RGPD3: variants seen among roughly 807,000 people sequenced by gnomAD.
RGPD3 encodes ranBP2-like and GRIP domain-containing protein 3.
A neutral mutation model predicts 154.5 loss-of-function variants in RGPD3; 62 were observed. That is an observed-to-expected ratio of 0.40 (90% confidence interval 0.33 to 0.50). RGPD3 has a LOEUF of 0.50. RGPD3 is among the 20% of genes least tolerant of loss of function. The pLI is 0.59. For synonymous variants in RGPD3, 308 were observed against 607.0 expected (o/e 0.51, Z 7.24); for missense variants, 919 against 1,716.8 (o/e 0.54, Z 8.21).
chr2:106,409,969 G>A (rs1676622513), intron 22 of RGPD3, among the ~76,000 whole-genome samples: 1 of 148,436 alleles, frequency 6.7e-6, no homozygotes, highest in Admixed American at 6.8e-5. Flanking sequence ...TCTGCCTCCT[G>A]GGTTCAAGCA....
chr2:106,448,077 A>G (rs965083029), intron 6 of RGPD3, among the ~76,000 whole-genome samples: 2 of 150,558 alleles, frequency 1.3e-5, no homozygotes, highest in African/African-American at 4.9e-5. Context: ...TCTTTTTACT[A>G]TATAGATCAT....
intron 20 of RGPD3, among the ~76,000 whole-genome samples, chr2:106,422,685 A>G (rs1226456414): frequency 2.1e-5 from 3 of 145,358 alleles, no homozygotes; most frequent in Non-Finnish European, 3.0e-5. Flanking sequence ...CCCAGCCTCA[A>G]TATCATGTTT....
intron 17 of RGPD3, among the ~76,000 whole-genome samples, 156 bp downstream of exon 17, chr2:106,432,779 A>T (rs1363708701): frequency 5.3e-4 from 5 of 9,412 alleles, no homozygotes; most frequent in Non-Finnish European, 1.2e-3. Context: ...ACCCTGCCTT[A>T]AAAAAAAAAA....
chr2:106,466,172 G>A (rs991277256), intron 1 of RGPD3, among the ~76,000 whole-genome samples: 2 of 151,690 alleles, frequency 1.3e-5, no homozygotes, highest in African/African-American at 4.9e-5. Context: ...ACAAGCGTCG[G>A]GAACAAGCCG....
Position 106,413,161 on chromosome 2 carries a change from T to C in RGPD3, c.5189A>G (p.Glu1730Gly), listed in dbSNP as rs1230306646. The change falls in exon 22 of 23, where the codon GAG becomes GGG. Residue 1730 changes from glutamate to glycine, a missense_variant. By Grantham distance (98) the Glu-to-Gly change is moderately conservative. Coordinates refer to ENST00000409886, the MANE Select transcript of RGPD3 (RefSeq NM_001144013.2). ...FIFLKPGSER[E>G]RLLPVINTML... Reference sequence around the variant, plus strand: ...CGTATTTATAACAGGAAGAAGTCTCTCTCTTTCACTACCTGGCTTCAAGAA... The same window carrying C: ...CGTATTTATAACAGGAAGAAGTCTCCCTCTTTCACTACCTGGCTTCAAGAA... 1 of 1,611,706 alleles carries C rather than the reference T, an allele frequency of 6.2e-7. No individual in the cohort carries two copies. The highest frequency in any genetic ancestry group is 8.5e-7 in the Non-Finnish European group (1 of 1,179,832).
intron 20 of RGPD3, among the ~76,000 whole-genome samples, chr2:106,421,735 A>G (rs1448665161): frequency 6.6e-6 from 1 of 151,942 alleles, no homozygotes; most frequent in Non-Finnish European, 1.5e-5. Flanking sequence ...ACACTCTTCC[A>G]TACTGTATAC....
rs751430277 is a variant in RGPD3, at chr2:106,424,572, C to T, written c.3395G>A (p.Trp1132Ter). Residue 1132 changes from tryptophan (W) to a stop codon, truncating the protein, a stop_gained, in exon 20 of 23, where the codon TGG (tryptophan) becomes TAG (stop). Transcript: ENST00000409886. LOFTEE classifies it high-confidence loss of function. The part of the protein sequence containing the change: ...PLSGSDRAWM[W>*]SASDFSDGDA... ...ACCATCAGAGAAATCACTGGCTGACCACATCCATGCTCTATCTGATCCAGA... is the reference window on the plus strand; with the variant it reads ...ACCATCAGAGAAATCACTGGCTGACTACATCCATGCTCTATCTGATCCAGA... 2.5e-6 allele frequency: 4 copies of T among 1,610,618 alleles called. No homozygotes were observed. Among genetic ancestry groups the T allele is most frequent in the African/African-American group, 1.3e-5 (1 of 74,698 alleles).
chr2:106,417,736 G>C (rs1039076300), intron 20 of RGPD3, among the ~76,000 whole-genome samples: 5 of 150,628 alleles, frequency 3.3e-5, no homozygotes, highest in African/African-American at 1.2e-4. Context: ...GCCTTACAGA[G>C]GTACACAAAA....
At chr2:106,411,834 A>G (rs1176137635) in intron 22 of RGPD3, among the ~76,000 whole-genome samples, 47 of 151,248 alleles carry the variant, frequency 3.1e-4, no homozygotes, top group African/African-American at 9.4e-4. Context: ...ACAAAAACAC[A>G]ACAACAAAAT....
intron 9 of RGPD3, among the ~76,000 whole-genome samples, chr2:106,438,545 G>A (rs536387097): frequency 7.8e-4 from 117 of 150,698 alleles, no homozygotes; most frequent in South Asian, 4.5e-3. Context: ...ACTTTGGGAG[G>A]CCAAGGCAGG....
intron 1 of RGPD3, among the ~76,000 whole-genome samples, chr2:106,461,390 G>C (rs1173973337): frequency 1.3e-5 from 2 of 152,064 alleles, no homozygotes; most frequent in Non-Finnish European, 2.9e-5. Flanking sequence ...AACTGAGATG[G>C]CTAGTATGTA....
intron 20 of RGPD3, 64 bp downstream of exon 20, chr2:106,422,979 C>G (rs1677041989): frequency 5.0e-6 from 8 of 1,588,158 alleles, no homozygotes; most frequent in Non-Finnish European, 6.8e-6. Flanking sequence ...CACAAAGAGT[C>G]TGCATCAAGC....
chr2:106,429,962 C>T (rs1677318575), intron 17 of RGPD3, among the ~76,000 whole-genome samples, 181 bp from the exon 18 acceptor site: 1 of 152,020 alleles, frequency 6.6e-6, no homozygotes, highest in East Asian at 1.9e-4. Context: ...TGGCTCACCG[C>T]AACCTCCACC....
Position 106,424,822 on chromosome 2 carries a change from C to G in RGPD3, c.3145G>C (p.Glu1049Gln), listed in dbSNP as rs1212554837. ...EPVVQMPEKV[E>Q]LVTGEEGEKV... ...TCACCTTCTTCTCCTGTTACAAGTT[C>G]TACTTTTTCAGGCATTTGAACTACT... The change falls in exon 20 of 23, where the codon GAA becomes CAA. Residue 1049 changes from glutamate (E) to glutamine (Q), a missense_variant. Glu to Gln is a conservative substitution (Grantham distance 29). Transcript: ENST00000409886. 6.2e-7 allele frequency: 1 copy of G among 1,611,708 alleles called. No homozygotes were observed. Among genetic ancestry groups the G allele is most frequent in the South Asian group, 1.1e-5 (1 of 90,964 alleles).
At position 106,424,482 on chromosome 2, in the gene RGPD3, T is replaced by G. The variant is rs752507647; in HGVS notation, c.3485A>C (p.Gln1162Pro). Residue 1162 changes from glutamine (Q) to proline (P), a missense_variant, in exon 20 of 23, where the codon CAG becomes CCG. By Grantham distance (76) the Gln-to-Pro change is moderately conservative. Coordinates refer to ENST00000409886, the MANE Select transcript of RGPD3 (RefSeq NM_001144013.2). ...AAGCCGCTGGCATTCCTCAAATTTCTGCTTGAATTCTTCAGCCAGCTCTGG... is the reference window on the plus strand; with the variant it reads ...AAGCCGCTGGCATTCCTCAAATTTCGGCTTGAATTCTTCAGCCAGCTCTGG... ...KTPELAEEFK[Q>P]KFEECQRLLL... 51 of 1,606,838 alleles carry G rather than the reference T, an allele frequency of 3.2e-5. 1 individual carries two copies. The highest frequency in any genetic ancestry group is 4.2e-5 in the Non-Finnish European group (49 of 1,179,502).
At chr2:106,445,972 C>T (rs1413527208) in intron 7 of RGPD3, among the ~76,000 whole-genome samples, 9 of 45,358 alleles carry the variant, frequency 2.0e-4, no homozygotes, top group African/African-American at 6.7e-4. Context: ...GCCTGTAATC[C>T]CAGCTACTCG....
chr2:106,445,034 C>T (rs1293075242), intron 7 of RGPD3, among the ~76,000 whole-genome samples: 19 of 136,132 alleles, frequency 1.4e-4, no homozygotes, highest in South Asian at 1.0e-3. Context: ...CGGTGGCTCA[C>T]GCCTGTAATG....
chr2:106,451,417 A>G (rs981386620), intron 6 of RGPD3, among the ~76,000 whole-genome samples: 9 of 145,658 alleles, frequency 6.2e-5, no homozygotes, highest in Non-Finnish European at 1.4e-4. Context: ...GACAGCCTAA[A>G]CTAGCAATCA....
intron 22 of RGPD3, among the ~76,000 whole-genome samples, chr2:106,407,246 C>T (rs1207305601): frequency 4.4e-4 from 67 of 151,314 alleles, no homozygotes; most frequent in Non-Finnish European, 5.6e-4. Flanking sequence ...AGAGAGAGTC[C>T]GCTAGCAAGA....
Sources: gnomAD v4.1 joint callset for allele counts (sites outside exome capture counted in the v4.1 genomes callset) on GRCh38, gnomAD v4.1.1 for gene constraint, MANE v1.5 for transcripts, NCBI Gene and HGNC (gene_info 2026-07-23, HGNC 2026-07-21) for gene names.